Variants in SRGAP1 observed in about 807,000 individuals in gnomAD.
SRGAP1 encodes the protein SLIT-ROBO Rho GTPase activating protein 1, also known as SLIT-ROBO Rho GTPase-activating protein 1.
Under a neutral mutation model 121.9 loss-of-function variants are expected in SRGAP1, and 43 were observed. That is an observed-to-expected ratio of 0.35 (90% CI 0.28 to 0.46). The LOEUF (loss-of-function observed/expected upper bound fraction) is 0.46, where lower values mean the gene tolerates loss of function less well. Among genes scored for constraint, SRGAP1 ranks in the 20% least tolerant of loss-of-function variants. The pLI is 1.00. For synonymous variants in SRGAP1, 447 were observed against 485.4 expected, an observed-to-expected ratio of 0.92 and a Z score of 1.04; for missense variants, 1,102 against 1,350.9, an observed-to-expected ratio of 0.82 and a Z score of 2.89.
rs905177665 is a variant in SRGAP1, at chr12:64,138,000, C to T, written c.2881-4295C>T. Among the ~76,000 whole-genome samples the T allele has an allele frequency of 8.2e-5, 12 of 146,504 alleles. No homozygotes were observed. In the East Asian group the frequency reaches 2.4e-3, roughly 29 times the overall value. ...TATATATAAAAAATAATAAAATTGA[C>T]AATCTTAACCATTTTTAAATGTATA... On this transcript the variant is annotated intron_variant, in intron 21 of 21. Transcript: ENST00000355086.
At chr12:63,866,609 C>T (rs905809313) in intron 1 of SRGAP1, among the ~76,000 whole-genome samples, 2 of 152,046 alleles carry the variant, frequency 1.3e-5, no homozygotes, top group Admixed American at 6.6e-5. Context: ...ACACTTGTAC[C>T]AGTTGAATAC....
rs764217175 is a variant in SRGAP1 at position 64,111,984 on chromosome 12, T to C, written c.2142T>C (p.Tyr714=). 5.6e-6 allele frequency: 9 copies of C among 1,612,440 alleles called. No homozygotes were observed. Among genetic ancestry groups the C allele is most frequent in the African/African-American group, 1.3e-5 (1 of 74,894 alleles). Residue 714 remains tyrosine, a splice_region_variant and synonymous_variant, in exon 17 of 22, where the codon TAT becomes TAC. Transcript: ENST00000355086. The part of the protein sequence containing the change: ...VYEKCMAGDD[Y]CDSPYSEHGT... Reference sequence around the variant, plus strand: ...AGAAATGTATGGCTGGAGATGACTATTGGTAAGTCTAAGAATTTTAGTCCT... The same window carrying C: ...AGAAATGTATGGCTGGAGATGACTACTGGTAAGTCTAAGAATTTTAGTCCT...
At chr12:63,947,586 T>A (rs766331888) in intron 1 of SRGAP1, among the ~76,000 whole-genome samples, 2 of 152,224 alleles carry the variant, frequency 1.3e-5, no homozygotes, top group Non-Finnish European at 2.9e-5. Flanking sequence ...AAAAGTCAGT[T>A]GACTATGTAT....
At chr12:63,856,252 CTAAATAAA>C (rs79879818) in intron 1 of SRGAP1, among the ~76,000 whole-genome samples, 7,565 of 146,340 alleles carry the variant, frequency 0.052, 239 homozygotes, top group East Asian at 0.091. Context: ...AACTCCGTCT[CTAAATAAA>C]TAAATAAATA....
Position 63,871,795 on chromosome 12 carries a change from T to C in SRGAP1, c.67+26912T>C, listed in dbSNP as rs533492436. On this transcript the variant is annotated intron_variant, in intron 1 of 21. Coordinates refer to ENST00000355086, the MANE Select transcript of SRGAP1 (RefSeq NM_020762.4). Reference sequence around the variant, plus strand: ...TTATATCCTCCCAGTTCAAAATGCTTGCATCTGTTAATGGCCAGCATCCTC... The same window carrying C: ...TTATATCCTCCCAGTTCAAAATGCTCGCATCTGTTAATGGCCAGCATCCTC... 9.1e-6 allele frequency: 12 copies of C among 1,315,346 alleles called. No homozygotes were observed. The East Asian group carries it at 2.8e-4, about 30-fold the overall frequency. The allele number at this position is 1,315,346 out of a possible 1,614,324, so 81.5% of individuals were successfully genotyped here.
Position 64,130,443 on chromosome 12 carries a change from T to C in SRGAP1, c.2880+2243T>C, listed in dbSNP as rs377556028. 5.3e-5 allele frequency among the ~76,000 whole-genome samples: 8 copies of C among 152,230 alleles called. No homozygotes were observed. In the East Asian group the frequency reaches 1.3e-3, roughly 26 times the overall value. ...GGGGGTCACTAGGGATAATGATGAA[T>C]GGTGCCACTTCCACTTCCACCTCTT... On this transcript the variant is annotated intron_variant, in intron 21 of 21. Transcript: ENST00000355086.
At chr12:63,947,144 T>C (rs763244724) in intron 1 of SRGAP1, among the ~76,000 whole-genome samples, 4 of 152,218 alleles carry the variant, frequency 2.6e-5, no homozygotes, top group Non-Finnish European at 5.9e-5. Flanking sequence ...TAATTTCTCT[T>C]AGGTACTTAG....
chr12:64,093,246 AAAATT>A (rs60213268), intron 12 of SRGAP1, among the ~76,000 whole-genome samples: 17,420 of 152,100 alleles, frequency 0.11, 1,176 homozygotes, highest in South Asian at 0.25. Context: ...TGAAATCTGT[AAAATT>A]AAATTAAATT....
chr12:64,124,343 T>A (rs768626638), intron 18 of SRGAP1, among the ~76,000 whole-genome samples: 4 of 152,184 alleles, frequency 2.6e-5, no homozygotes, highest in Non-Finnish European at 5.9e-5. Context: ...AATGGGAAGG[T>A]TTGCTACCAA....
intron 1 of SRGAP1, among the ~76,000 whole-genome samples, chr12:63,859,493 TTC>T (rs1287167390): frequency 6.6e-6 from 1 of 152,062 alleles, no homozygotes; most frequent in African/African-American, 2.4e-5. Context: ...TTGGTTTTTC[TTC>T]TCTGTTTTGT....
At chr12:63,911,848 A>G (rs2030517240) in intron 1 of SRGAP1, among the ~76,000 whole-genome samples, 1 of 152,216 alleles carries the variant, frequency 6.6e-6, no homozygotes, top group Admixed American at 6.5e-5. Flanking sequence ...TTCTAATTTT[A>G]GGGATAACTA....
chr12:64,062,826 T>G (rs2035473891), intron 6 of SRGAP1, 91 bp from the exon 7 acceptor site: 1 of 925,278 alleles, frequency 1.1e-6, no homozygotes, highest in Admixed American at 2.5e-5. Context: ...CCATGTTTCC[T>G]TCTGAGAGTT....
intron 1 of SRGAP1, among the ~76,000 whole-genome samples, chr12:63,933,858 AT>A (rs2031567477): frequency 6.6e-6 from 1 of 152,202 alleles, no homozygotes; most frequent in Non-Finnish European, 1.5e-5. Context: ...ACCAATGGTA[AT>A]TCATGGAAGT....
intron 4 of SRGAP1, chr12:64,038,686 C>T (rs919219260): frequency 6.6e-6 from 1 of 152,118 alleles, no homozygotes; most frequent in Non-Finnish European, 1.5e-5. Context: ...TATAGGATAT[C>T]CCAATCTCCT....
At chr12:63,978,870 T>A (rs549935478) in intron 1 of SRGAP1, among the ~76,000 whole-genome samples, 119 of 152,294 alleles carry the variant, frequency 7.8e-4, no homozygotes, top group South Asian at 2.1e-3. Flanking sequence ...ACACTTTTTT[T>A]AAATCTTTTT....
At position 64,158,343 on chromosome 12, in the gene SRGAP1, T is replaced by C. The variant is rs1459372131; in HGVS notation, c.*15671T>C. The C allele has an allele frequency of 6.6e-6, 1 of 152,246 alleles. No individual in the cohort carries two copies. The highest frequency in any genetic ancestry group is 1.5e-5 in the Non-Finnish European group (1 of 68,044). 9.4% of individuals were successfully genotyped at this position (152,246 alleles called of 1,614,324 possible). A position where few individuals can be genotyped will look rare whatever the true frequency, so the allele number is the denominator to read the frequency against. ...TCAGGGATGAAATACTAAAGCAACT[T>C]CATGGATTGTGATTTCAAGTATATG... On this transcript the variant is annotated 3_prime_UTR_variant, in exon 22 of 22. Coordinates refer to ENST00000355086, the MANE Select transcript of SRGAP1 (RefSeq NM_020762.4).
At position 64,098,398 on chromosome 12, in the gene SRGAP1, C is replaced by T. The variant is rs545762415; in HGVS notation, c.1813+1023C>T. On this transcript the variant is annotated intron_variant, in intron 15 of 21. Coordinates refer to ENST00000355086, the MANE Select transcript of SRGAP1 (RefSeq NM_020762.4). Reference sequence around the variant, plus strand: ...AAAACTGGGTTGCTTGCTTTCTCCCCTTTTTAAAACCTATTTCAATATAAA... The same window carrying T: ...AAAACTGGGTTGCTTGCTTTCTCCCTTTTTTAAAACCTATTTCAATATAAA... Among the ~76,000 whole-genome samples the T allele has an allele frequency of 1.3e-3, 198 of 152,088 alleles. 1 individual carries two copies. Among genetic ancestry groups the T allele is most frequent in the African/African-American group, 4.5e-3 (186 of 41,484 alleles).
Position 64,082,777 on chromosome 12 carries a change from A to G in SRGAP1, c.1408+2407A>G, listed in dbSNP as rs544538546. The stretch of plus-strand genomic sequence containing the variant: ...ATTTCTTTATCTTGGAATTTTTTTC[A>G]ACGGGCTCTGGTATACCAGGGACAC... On this transcript the variant is annotated intron_variant, in intron 10 of 21. Coordinates refer to ENST00000355086, the MANE Select transcript of SRGAP1 (RefSeq NM_020762.4). Among the ~76,000 whole-genome samples the G allele has an allele frequency of 3.9e-5, 6 of 152,234 alleles. No individual in the cohort carries two copies. In the South Asian group the frequency reaches 1.2e-3, roughly 32 times the overall value.
intron 10 of SRGAP1, 25 bp downstream of exon 10, chr12:64,080,395 A>G: frequency 1.3e-6 from 2 of 1,530,388 alleles, no homozygotes; most frequent in South Asian, 1.1e-5. Flanking sequence ...ATGTATGGGA[A>G]GATGACCTGG....
Sources: gnomAD v4.1 joint callset for allele counts (sites outside exome capture counted in the v4.1 genomes callset) on GRCh38, gnomAD v4.1.1 for gene constraint, MANE v1.5 for transcripts, NCBI Gene and HGNC (gene_info 2026-07-23, HGNC 2026-07-21) for gene names.